ANO2: variants seen among roughly 807,000 people sequenced by gnomAD.
ANO2 encodes anoctamin-2.
Under a neutral mutation model 124.2 loss-of-function variants are expected in ANO2, and 101 were observed. The ratio of observed to expected loss-of-function variants is 0.81; its 90% CI spans 0.69 to 0.96. The LOEUF is 0.96. ANO2 is among the 40% of genes least tolerant of loss of function. The probability of loss-of-function intolerance (pLI) is 0.00; values close to 1 mark genes in which losing one functional copy is unlikely to be tolerated. For synonymous variants in ANO2, 486 were observed against 482.5 expected, an observed-to-expected ratio of 1.01 and a Z score of -0.09; for missense variants, 1,293 against 1,274.5, an observed-to-expected ratio of 1.01 and a Z score of -0.22.
Position 5,635,095 on chromosome 12 carries a change from T to C in ANO2, c.1816+57A>G, listed in dbSNP as rs1352759041. On this transcript the variant is annotated intron_variant, in intron 16 of 24. Coordinates refer to ENST00000682330, the MANE Select transcript of ANO2 (RefSeq NM_001364791.2). The surrounding 1 kb of genome is among the most constrained non-coding windows in gnomAD (Gnocchi z 5.2). ...TTTTTTATTTTATCACCAAAAGCCTTGCACGCATTGACTTAAAGAGGGCCT... is the reference window on the plus strand; with the variant it reads ...TTTTTTATTTTATCACCAAAAGCCTCGCACGCATTGACTTAAAGAGGGCCT... 2.1e-6 allele frequency: 3 copies of C among 1,426,946 alleles called. No individual in the cohort carries two copies. Among genetic ancestry groups the C allele is most frequent in the Non-Finnish European group, 2.8e-6 (3 of 1,070,814 alleles). The allele number at this position is 1,426,946 out of a possible 1,614,324, so 88.4% of individuals were successfully genotyped here.
intron 3 of ANO2, among the ~76,000 whole-genome samples, chr12:5,870,020 C>T (rs758329900): frequency 1.3e-5 from 2 of 152,156 alleles, no homozygotes; most frequent in African/African-American, 2.4e-5. Flanking sequence ...CTGTCACTCT[C>T]ACTAAACGTG....
intron 4 of ANO2, among the ~76,000 whole-genome samples, chr12:5,852,562 T>C (rs1954944051): frequency 6.6e-6 from 1 of 152,122 alleles, no homozygotes; most frequent in African/African-American, 2.4e-5. Context: ...GTATCAGTCA[T>C]GTGCTGGTAT....
rs1277295676 is a variant in ANO2 at position 5,925,385 on chromosome 12, G to A, written c.23-2581C>T. ...GGCTCGCTCTCTGACACACGGATCC[G>A]GCTGCCTGGGAACTCTGCTTCCCTT... On this transcript the variant is annotated intron_variant, in intron 1 of 24. Coordinates refer to ENST00000682330, the MANE Select transcript of ANO2 (RefSeq NM_001364791.2). The surrounding 1 kb of genome is among the most constrained non-coding windows in gnomAD (Gnocchi z 4.6). Among the ~76,000 whole-genome samples the A allele has an allele frequency of 2.6e-5, 4 of 152,122 alleles. No individual in the cohort carries two copies. The highest frequency in any genetic ancestry group is 4.4e-5 in the Non-Finnish European group (3 of 68,028).
At chr12:5,722,374 G>A (rs562414179) in intron 14 of ANO2, among the ~76,000 whole-genome samples, 28 of 152,242 alleles carry the variant, frequency 1.8e-4, no homozygotes, top group African/African-American at 6.5e-4. Context: ...GGGCGCAGTG[G>A]CGGGCGCCTG....
chr12:5,768,920 C>A (rs1392194655), intron 10 of ANO2, among the ~76,000 whole-genome samples: 1 of 152,090 alleles, frequency 6.6e-6, no homozygotes, highest in Non-Finnish European at 1.5e-5. Flanking sequence ...CCAGGAAGGA[C>A]AAGAAAAGGC....
At chr12:5,883,197 TG>T in intron 3 of ANO2, among the ~76,000 whole-genome samples, 2 of 152,036 alleles carry the variant, frequency 1.3e-5, no homozygotes, top group East Asian at 3.9e-4. Context: ...TGCTGAAAAC[TG>T]AGCAATTAAA....
rs141927725 is a variant in ANO2, at chr12:5,680,623, A to G, written c.1546-32822T>C. 6.3e-4 allele frequency among the ~76,000 whole-genome samples: 96 copies of G among 152,344 alleles called. 1 individual carries two copies. In the South Asian group the frequency reaches 0.011, roughly 18 times the overall value. On this transcript the variant is annotated intron_variant, in intron 14 of 24. Transcript: ENST00000682330. Reference sequence around the variant, plus strand: ...CTGATCAAAAGGGGGAACAAGCTGCATTATAAAGTAGTGAATTCGACATCC... The same window carrying G: ...CTGATCAAAAGGGGGAACAAGCTGCGTTATAAAGTAGTGAATTCGACATCC...
intron 14 of ANO2, among the ~76,000 whole-genome samples, chr12:5,696,463 T>TA (rs775605466): frequency 1.3e-5 from 2 of 151,596 alleles, no homozygotes; most frequent in South Asian, 2.1e-4. Flanking sequence ...ACAAAACCAC[T>TA]AAAAAAAAGC....
chr12:5,889,573 C>A (rs1018407209), intron 3 of ANO2, among the ~76,000 whole-genome samples: 1 of 152,258 alleles, frequency 6.6e-6, no homozygotes, highest in Non-Finnish European at 1.5e-5. Context: ...TCTTAAACGA[C>A]CCCTGTCTTA....
chr12:5,822,395 G>C (rs181987223), intron 7 of ANO2, among the ~76,000 whole-genome samples: 1 of 152,286 alleles, frequency 6.6e-6, no homozygotes, highest in African/African-American at 2.4e-5. Context: ...TGGACAGGAT[G>C]ACCTATTCTG....
In ANO2 at chr12:5,583,087, T is replaced by C. The variant is rs551049315; in HGVS notation, c.2234-4569A>G. ...ACCATCTTTTGTGGTGCCTATCACA[T>C]AGCAGATGCTCAAAGATTATCTGTT... On this transcript the variant is annotated intron_variant, in intron 20 of 24. Coordinates refer to ENST00000682330, the MANE Select transcript of ANO2 (RefSeq NM_001364791.2). 2.0e-4 allele frequency among the ~76,000 whole-genome samples: 30 copies of C among 152,332 alleles called. 1 individual carries two copies. The South Asian group carries it at 6.2e-3, about 32-fold the overall frequency.
chr12:5,623,717 A>T (rs1945244330), intron 16 of ANO2, among the ~76,000 whole-genome samples: 1 of 152,202 alleles, frequency 6.6e-6, no homozygotes, highest in African/African-American at 2.4e-5. Context: ...TCGACAGCCC[A>T]GCTGGCAAAT....
At position 5,763,301 on chromosome 12, in the gene ANO2, T is replaced by C. The variant is rs1297649593; in HGVS notation, c.1056-12331A>G. Among the ~76,000 whole-genome samples, 4 of 152,090 alleles carry C rather than the reference T, an allele frequency of 2.6e-5. No individual in the cohort carries two copies. In the East Asian group the frequency reaches 7.7e-4, roughly 29 times the overall value. Reference sequence around the variant, plus strand: ...TGAATTATGTGAGCATATTAACATGTGTTCCAGAAATTGTATGAAATTCCT... The same window carrying C: ...TGAATTATGTGAGCATATTAACATGCGTTCCAGAAATTGTATGAAATTCCT... On this transcript the variant is annotated intron_variant, in intron 10 of 24. Transcript: ENST00000682330.
At chr12:5,662,033 C>G (rs1355194782) in intron 14 of ANO2, among the ~76,000 whole-genome samples, 5 of 152,230 alleles carry the variant, frequency 3.3e-5, no homozygotes, top group Non-Finnish European at 5.9e-5. Flanking sequence ...TCCCTTCTCC[C>G]CCACCCTCAA....
chr12:5,864,812 G>C (rs1955374323), intron 3 of ANO2, among the ~76,000 whole-genome samples: 1 of 152,314 alleles, frequency 6.6e-6, no homozygotes, highest in Non-Finnish European at 1.5e-5. Context: ...GGATCAACCT[G>C]TGAGCACCAC....
Position 5,923,069 on chromosome 12 carries a change from CACAT to C in ANO2, c.23-269_23-266del, listed in dbSNP as rs1258065294. On this transcript the variant is annotated intron_variant, in intron 1 of 24. Transcript: ENST00000682330. Reference sequence around the variant, plus strand: ...ACGCACACACACCCACATACACACACACATGCACACATACACACACACACGCACA... The same window carrying C: ...ACGCACACACACCCACATACACACACGCACACATACACACACACACGCACA... 2.2e-3 allele frequency among the ~76,000 whole-genome samples: 209 copies of C among 94,996 alleles called. 1 individual carries two copies. Among genetic ancestry groups the C allele is most frequent in the Middle Eastern group, 5.9e-3 (1 of 170 alleles). 62.3% of individuals were successfully genotyped at this position (94,996 alleles called of 152,430 possible).
Position 5,903,264 on chromosome 12 carries a change from G to T in ANO2, c.534+17776C>A, listed in dbSNP as rs149541231. 3.6e-3 allele frequency among the ~76,000 whole-genome samples: 554 copies of T among 152,114 alleles called. 5 individuals carry two copies. The highest frequency in any genetic ancestry group is 0.013 in the African/African-American group (529 of 41,490). On this transcript the variant is annotated intron_variant, in intron 3 of 24. Transcript: ENST00000682330. ...CCAGAAAAAGACAAAAGAGTTTGAGGGATCTTTGGACCTGATATTAAGAAA... is the reference window on the plus strand; with the variant it reads ...CCAGAAAAAGACAAAAGAGTTTGAGTGATCTTTGGACCTGATATTAAGAAA...
At chr12:5,727,768 G>A (rs1289753702) in intron 14 of ANO2, among the ~76,000 whole-genome samples, 1 of 149,898 alleles carries the variant, frequency 6.7e-6, no homozygotes, top group African/African-American at 2.5e-5. Flanking sequence ...CTCCCCAGTA[G>A]CTGGGACTAC....
At chr12:5,816,318 T>C (rs1255300435) in intron 7 of ANO2, among the ~76,000 whole-genome samples, 1 of 26,458 alleles carries the variant, frequency 3.8e-5, no homozygotes, top group Non-Finnish European at 8.2e-5. Context: ...AGTTATCACA[T>C]TCCTCATTTT....
Sources: allele counts gnomAD v4.1 joint callset (sites outside exome capture counted in the v4.1 genomes callset), GRCh38; gene constraint gnomAD v4.1.1; non-coding constraint Gnocchi (gnomAD v3.1); transcripts MANE v1.5; gene names NCBI Gene and HGNC (gene_info 2026-07-23, HGNC 2026-07-21).